The following JAKMIP1 variants were observed in gnomAD, a reference collection of about 807,000 sequenced individuals.
JAKMIP1 encodes janus kinase and microtubule interacting protein 1, also known as janus kinase and microtubule-interacting protein 1.
In JAKMIP1, 33 loss-of-function variants were observed where a neutral mutation model predicts 113.0. The ratio of observed to expected loss-of-function variants is 0.29; its 90% CI spans 0.22 to 0.39. The LOEUF (loss-of-function observed/expected upper bound fraction) is 0.39. Ranked by LOEUF, JAKMIP1 falls within the 10% of genes least tolerant of loss-of-function variation. JAKMIP1 has a pLI of 1.00. For synonymous variants in JAKMIP1, 480 were observed against 459.9 expected, an observed-to-expected ratio of 1.04 and a Z score of -0.56; for missense variants, 813 against 1,080.5, an observed-to-expected ratio of 0.75 and a Z score of 3.47.
rs908011 is a variant in JAKMIP1, at chr4:6,194,712, A to G, written c.-148+5541T>C. The G allele has an allele frequency of 0.96, 145,593 of 152,278 alleles. 69,944 individuals are homozygous for G. The highest frequency in any genetic ancestry group is 1 in the South Asian group (4,816 of 4,818). 9.4% of individuals were successfully genotyped at this position (152,278 alleles called of 1,614,324 possible). ...GGTATTTCTGCCACAATGAGCACCC[A>G]CTGGCAGTCCCTGGCTGGTGCACAC... On this transcript the variant is annotated intron_variant, in intron 1 of 20. Coordinates refer to ENST00000409021, the MANE Select transcript of JAKMIP1 (RefSeq NM_001099433.2). The surrounding 1 kb of genome is among the most constrained non-coding windows in gnomAD (Gnocchi z 7.4).
chr4:6,078,720 G>C (rs1290212829), intron 8 of JAKMIP1, among the ~76,000 whole-genome samples: 1 of 152,140 alleles, frequency 6.6e-6, no homozygotes, highest in African/African-American at 2.4e-5. Flanking sequence ...ACATCAGGAA[G>C]TTTTCCATGA....
chr4:6,180,985 A>G lies in JAKMIP1; in HGVS notation c.-148+19268T>C, dbSNP rs558612392. The stretch of plus-strand genomic sequence containing the variant: ...AGTCCCAGAAAAGGCCCCAGCCATC[A>G]GGTCGTTTCTGTCTCACCTCTGCTG... On this transcript the variant is annotated intron_variant, in intron 1 of 20. Coordinates refer to ENST00000409021, the MANE Select transcript of JAKMIP1 (RefSeq NM_001099433.2). The surrounding 1 kb of genome is among the most constrained non-coding windows in gnomAD (Gnocchi z 4.5). 3.0e-4 allele frequency among the ~76,000 whole-genome samples: 45 copies of G among 152,286 alleles called. 1 individual carries two copies. The South Asian group carries it at 7.9e-3, about 27-fold the overall frequency.
chr4:6,095,508 T>C (rs1211585788), intron 3 of JAKMIP1, among the ~76,000 whole-genome samples: 1 of 151,950 alleles, frequency 6.6e-6, no homozygotes, highest in Non-Finnish European at 1.5e-5. Context: ...CAAGACAGAG[T>C]CCTGTTTGCA....
At chr4:6,174,834 G>A (rs937774445) in intron 1 of JAKMIP1, among the ~76,000 whole-genome samples, 12 of 150,400 alleles carry the variant, frequency 8.0e-5, no homozygotes, top group African/African-American at 2.7e-4. Flanking sequence ...TCCTTCTGTC[G>A]CCCCAACTGT....
Position 6,142,575 on chromosome 4 carries a change from C to A in JAKMIP1, c.-147-29578G>T, listed in dbSNP as rs74804712. On this transcript the variant is annotated intron_variant, in intron 1 of 20. Transcript: ENST00000409021. The surrounding 1 kb of genome is among the most constrained non-coding windows in gnomAD (Gnocchi z 5.5). ...ATATCACAATAATCAGAATTCCAAC[C>A]CTAAATCCTTAAAATATAGCTGGAG... is the stretch of plus-strand genomic sequence containing the variant. Among the ~76,000 whole-genome samples, 924 of 152,292 alleles carry A rather than the reference C, an allele frequency of 6.1e-3. 8 individuals are homozygous for A. The highest frequency in any genetic ancestry group is 0.021 in the African/African-American group (873 of 41,546).
rs947607734 is a variant in JAKMIP1, at chr4:6,091,636, C to T, written c.625-6007G>A. The stretch of plus-strand genomic sequence containing the variant: ...CTCTCTCCAAAGGCTTCTCTTCCCA[C>T]CATGTGATGACAGCTCCCCTGAACA... On this transcript the variant is annotated intron_variant, in intron 3 of 20. Coordinates refer to ENST00000409021, the MANE Select transcript of JAKMIP1 (RefSeq NM_001099433.2). Among the ~76,000 whole-genome samples, 23 of 152,316 alleles carry T rather than the reference C, an allele frequency of 1.5e-4. No homozygotes were observed. In the South Asian group the frequency reaches 3.1e-3, roughly 21 times the overall value.
chr4:6,065,097 G>C lies in JAKMIP1; in HGVS notation c.1303-89C>G, dbSNP rs1343667871. 1.3e-6 allele frequency: 2 copies of C among 1,513,130 alleles called. No individual in the cohort carries two copies. Among genetic ancestry groups the C allele is most frequent in the East Asian group, 2.3e-5 (1 of 44,258 alleles). 93.7% of individuals were successfully genotyped at this position (1,513,130 alleles called of 1,614,324 possible). A position where few individuals can be genotyped will look rare whatever the true frequency, so the allele number is the denominator to read the frequency against. On this transcript the variant is annotated intron_variant, in intron 8 of 20. Transcript: ENST00000409021. This position sits in a 1 kb window ranked among gnomAD's most constrained non-coding sequence, Gnocchi z 5.1. ...GGTCGTGGGCATGCCAGTGCAGGGG[G>C]GTGATGATTGACATTTGGGCCACTG...
In JAKMIP1 at chr4:6,108,302, G is replaced by C. The variant is rs1714307445; in HGVS notation, c.130-2335C>G. 6.6e-6 allele frequency among the ~76,000 whole-genome samples: 1 copy of C among 152,060 alleles called. No individual in the cohort carries two copies. Among genetic ancestry groups the C allele is most frequent in the South Asian group, 2.1e-4 (1 of 4,812 alleles). Reference sequence around the variant, plus strand: ...CCTCCCACCACCACTCCATCCAGCTGAGCAGGCCAAAAAAAGCCGCCCAGC... The same window carrying C: ...CCTCCCACCACCACTCCATCCAGCTCAGCAGGCCAAAAAAAGCCGCCCAGC... On this transcript the variant is annotated intron_variant, in intron 2 of 20. Transcript: ENST00000409021. The surrounding 1 kb of genome is among the most constrained non-coding windows in gnomAD (Gnocchi z 5.6).
rs1344253700 is a variant in JAKMIP1 at position 6,150,993 on chromosome 4, C to T, written c.-147-37996G>A. ...ACCTGGTGAAGGCTGCTGGGGATGG[C>T]AGCTCTTTCTCCCCAAGCTTTGGCT... On this transcript the variant is annotated intron_variant, in intron 1 of 20. Coordinates refer to ENST00000409021, the MANE Select transcript of JAKMIP1 (RefSeq NM_001099433.2). This position sits in a 1 kb window ranked among gnomAD's most constrained non-coding sequence, Gnocchi z 4.8. 6.6e-6 allele frequency among the ~76,000 whole-genome samples: 1 copy of T among 152,082 alleles called. No individual in the cohort carries two copies. The highest frequency in any genetic ancestry group is 1.5e-5 in the Non-Finnish European group (1 of 68,018).
intron 1 of JAKMIP1, among the ~76,000 whole-genome samples, chr4:6,115,279 G>A (rs1318866156): frequency 6.6e-6 from 1 of 152,164 alleles, no homozygotes; most frequent in Admixed American, 6.5e-5. Context: ...GCGTGGTGGT[G>A]CGCACCTGTA....
In JAKMIP1 at chr4:6,188,744, C is replaced by G. The variant is rs1180609217; in HGVS notation, c.-148+11509G>C. The stretch of plus-strand genomic sequence containing the variant: ...AATAAGACTTGTTTGTGTCTTCAGT[C>G]TGAAGTGTCTTGCATTTGTCCCTAT... On this transcript the variant is annotated intron_variant, in intron 1 of 20. Transcript: ENST00000409021. This position sits in a 1 kb window ranked among gnomAD's most constrained non-coding sequence, Gnocchi z 5.8. Among the ~76,000 whole-genome samples the G allele has an allele frequency of 6.6e-6, 1 of 152,202 alleles. No homozygotes were observed. The highest frequency in any genetic ancestry group is 1.5e-5 in the Non-Finnish European group (1 of 68,042).
chr4:6,068,498 G>A (rs997193605), intron 8 of JAKMIP1, among the ~76,000 whole-genome samples: 2 of 152,002 alleles, frequency 1.3e-5, no homozygotes, highest in Middle Eastern at 3.4e-3. Flanking sequence ...TAGCAGCAAC[G>A]AGTTGTCTGG....
At chr4:6,133,479 A>T (rs1488183253) in intron 1 of JAKMIP1, among the ~76,000 whole-genome samples, 1 of 152,226 alleles carries the variant, frequency 6.6e-6, no homozygotes, top group Non-Finnish European at 1.5e-5. Flanking sequence ...AAGAGTTCTC[A>T]AAGAAATTAA....
At chr4:6,053,855 C>A in intron 13 of JAKMIP1, 195 bp downstream of exon 13, 1 of 1,465,754 alleles carries the variant, frequency 6.8e-7, no homozygotes. Context: ...GCACGCTCTC[C>A]AGAACACATT....
rs138248701 is a variant in JAKMIP1 at position 6,139,505 on chromosome 4, C to T, written c.-147-26508G>A. Among the ~76,000 whole-genome samples the T allele has an allele frequency of 0.014, 2,155 of 152,198 alleles. 21 individuals are homozygous for T. Among genetic ancestry groups the T allele is most frequent in the Non-Finnish European group, 0.022 (1,491 of 68,030 alleles). On this transcript the variant is annotated intron_variant, in intron 1 of 20. Transcript: ENST00000409021. The surrounding 1 kb of genome is among the most constrained non-coding windows in gnomAD (Gnocchi z 5.2). ...AAATGGGGCTGGTCGTGGTGGCTCA[C>T]GCCTGTAACCCCAGCACTTTGGGAG...
rs1320084659 is a variant in JAKMIP1 at position 6,097,294 on chromosome 4, G to A, written c.624+8179C>T. On this transcript the variant is annotated intron_variant, in intron 3 of 20. Transcript: ENST00000409021. This position sits in a 1 kb window ranked among gnomAD's most constrained non-coding sequence, Gnocchi z 4.3. ...TTACAGTCATGAGCCATCTCGCCCC[G>A]TTCTGACTCTGAATTTATATGCTAC... is the stretch of plus-strand genomic sequence containing the variant. 2.6e-5 allele frequency among the ~76,000 whole-genome samples: 4 copies of A among 152,130 alleles called. No individual in the cohort carries two copies. The highest frequency in any genetic ancestry group is 9.7e-5 in the African/African-American group (4 of 41,422).
rs756249529 is a variant in JAKMIP1 at position 6,081,574 on chromosome 4, G to T, written c.1101+35C>A. ...TGAAGAATCCCAGACAGAGAAGGGA[G>T]TGTCAGGGCTGTCCCCAAGGGGTCC... On this transcript the variant is annotated intron_variant, in intron 6 of 20. Coordinates refer to ENST00000409021, the MANE Select transcript of JAKMIP1 (RefSeq NM_001099433.2). This position sits in a 1 kb window ranked among gnomAD's most constrained non-coding sequence, Gnocchi z 4.6. 1.2e-6 allele frequency: 2 copies of T among 1,612,274 alleles called. No homozygotes were observed. Among genetic ancestry groups the T allele is most frequent in the Admixed American group, 1.7e-5 (1 of 59,968 alleles).
At chr4:6,133,586 T>C (rs1378186781) in intron 1 of JAKMIP1, among the ~76,000 whole-genome samples, 1 of 152,206 alleles carries the variant, frequency 6.6e-6, no homozygotes, top group African/African-American at 2.4e-5. Context: ...TAATGCCTGA[T>C]AGTGGGTGGT....
intron 4 of JAKMIP1, 36 bp downstream of exon 4, chr4:6,085,384 A>G: frequency 3.1e-6 from 5 of 1,590,938 alleles, no homozygotes; most frequent in Non-Finnish European, 4.3e-6. Flanking sequence ...TGGGTGGGGG[A>G]CCAGCCTGAG....
Sources: allele counts gnomAD v4.1 joint callset (sites outside exome capture counted in the v4.1 genomes callset), GRCh38; gene constraint gnomAD v4.1.1; non-coding constraint Gnocchi (gnomAD v3.1); transcripts MANE v1.5; gene names NCBI Gene and HGNC (gene_info 2026-07-23, HGNC 2026-07-21).